MYO18B: variants seen among roughly 807,000 people sequenced by gnomAD.
MYO18B encodes the protein unconventional myosin-XVIIIb.
In MYO18B, 204 loss-of-function variants were observed where a neutral mutation model predicts 273.0. That is an observed-to-expected ratio of 0.75 (90% CI 0.67 to 0.84). The LOEUF is 0.84. Among genes scored for constraint, MYO18B ranks in the 40% least tolerant of loss-of-function variants. MYO18B has a pLI of 0.00. For missense variants in MYO18B, 3,212 were observed against 3,287.6 expected (o/e 0.98, Z 0.56); for synonymous variants, 1,330 against 1,305.7 (o/e 1.02, Z -0.40).
Position 25,851,472 on chromosome 22 carries a change from T to C in MYO18B, c.3778T>C (p.Tyr1260His). 4 of 1,553,398 alleles carry C rather than the reference T, an allele frequency of 2.6e-6. No homozygotes were observed. The highest frequency in any genetic ancestry group is 3.5e-6 in the Non-Finnish European group (4 of 1,147,616). ...LEALRLHRTG[Y>H]ADHMGLTRFR... ...CCTGCCTGCTCCTACCTCCCTAGGCTATGCTGACCACATGGGGCTCACTCG... is the reference window on the plus strand; with the variant it reads ...CCTGCCTGCTCCTACCTCCCTAGGCCATGCTGACCACATGGGGCTCACTCG... The change falls in exon 21 of 44, where the codon TAT (tyrosine) becomes CAT (histidine). Residue 1260 changes from tyrosine (Y) to histidine (H), a missense_variant and splice_region_variant. Physicochemically the swap from Tyr to His is moderately conservative, Grantham distance 83. Coordinates refer to ENST00000335473, the MANE Select transcript of MYO18B (RefSeq NM_032608.7).
At chr22:26,028,250 G>GAAAAAAAAA (rs199530121) in intron 43 of MYO18B, 60 of 130,532 alleles carry the variant, frequency 4.6e-4, no homozygotes, top group African/African-American at 1.5e-3. Flanking sequence ...CTGTCTCAGG[G>GAAAAAAAAA]AAAAAAAAAA....
the MYO18B span, among the ~76,000 whole-genome samples, chr22:26,059,175 A>C: frequency 1.3e-5 from 2 of 152,226 alleles, no homozygotes; most frequent in East Asian, 3.9e-4. Context: ...GGTGAATGCC[A>C]CGTGGTCAGC....
Position 25,868,316 on chromosome 22 carries a change from C to T in MYO18B, c.3886-4C>T, listed in dbSNP as rs970281458. The T allele has an allele frequency of 8.1e-6, 13 of 1,598,258 alleles. No homozygotes were observed. The highest frequency in any genetic ancestry group is 5.2e-5 in the Admixed American group (3 of 57,790). On this transcript the variant is annotated splice_region_variant and splice_polypyrimidine_tract_variant and intron_variant, in intron 21 of 43. Coordinates refer to ENST00000335473, the MANE Select transcript of MYO18B (RefSeq NM_032608.7). ...GTCTAACTTCTCTCTAATTTTTTCC[C>T]CAGGCCGTGGAGGAGCTCCTGGAGA...
intron 12 of MYO18B, among the ~76,000 whole-genome samples, chr22:25,810,536 C>T (rs191955627): frequency 4.1e-3 from 616 of 148,476 alleles, no homozygotes; most frequent in Admixed American, 9.8e-3. Flanking sequence ...CAGTTTCAAG[C>T]GATTCTCCTA....
intron 42 of MYO18B, among the ~76,000 whole-genome samples, chr22:26,020,243 T>C (rs954268916): frequency 6.6e-6 from 1 of 152,142 alleles, no homozygotes; most frequent in Non-Finnish European, 1.5e-5. Context: ...GCCTCCTTCT[T>C]TGTTCTTCAC....
At chr22:26,043,104 C>T in the MYO18B span, among the ~76,000 whole-genome samples, 1 of 152,192 alleles carries the variant, frequency 6.6e-6, no homozygotes, top group Admixed American at 6.5e-5. Context: ...TTTGTATCGT[C>T]ATAGGTTATT....
At chr22:25,970,393 C>A (rs2093024633) in intron 39 of MYO18B, among the ~76,000 whole-genome samples, 1 of 151,910 alleles carries the variant, frequency 6.6e-6, no homozygotes, top group African/African-American at 2.4e-5. Flanking sequence ...TGCAGTATAC[C>A]CCACCTTGTG....
chr22:25,885,471 C>T (rs1005241244), intron 25 of MYO18B, among the ~76,000 whole-genome samples: 1 of 152,030 alleles, frequency 6.6e-6, no homozygotes, highest in Non-Finnish European at 1.5e-5. Flanking sequence ...GGGGACATTC[C>T]AGGTACAGGG....
At chr22:25,873,701 A>G (rs2091111441) in intron 22 of MYO18B, among the ~76,000 whole-genome samples, 1 of 152,028 alleles carries the variant, frequency 6.6e-6, no homozygotes, top group Non-Finnish European at 1.5e-5. Flanking sequence ...CAGCCTCCCA[A>G]AGTGCTGGGA....
intron 34 of MYO18B, among the ~76,000 whole-genome samples, chr22:25,936,643 C>CTAGGTAG (rs2092581947): frequency 1.3e-5 from 2 of 152,138 alleles, no homozygotes; most frequent in African/African-American, 2.4e-5. Flanking sequence ...TAAAAAAATA[C>CTAGGTAG]CGTAAATTAA....
At chr22:25,898,116 G>A in intron 28 of MYO18B, 191 bp from the exon 29 acceptor site, 1 of 580,334 alleles carries the variant, frequency 1.7e-6, no homozygotes. Context: ...TTACCTCTGA[G>A]CAAACTGAGG....
At chr22:25,765,354 A>G (rs935017506) in intron 3 of MYO18B, among the ~76,000 whole-genome samples, 1 of 152,192 alleles carries the variant, frequency 6.6e-6, no homozygotes, top group African/African-American at 2.4e-5. Context: ...TCCCAGCACA[A>G]CTGTTTCATT....
intron 34 of MYO18B, among the ~76,000 whole-genome samples, chr22:25,932,659 C>T (rs1318977702): frequency 6.6e-6 from 1 of 152,164 alleles, no homozygotes; most frequent in African/African-American, 2.4e-5. Context: ...ATCTGTCCAC[C>T]TCGGCCTCCC....
intron 9 of MYO18B, among the ~76,000 whole-genome samples, chr22:25,781,184 C>A (rs1601674517): frequency 6.6e-6 from 1 of 152,274 alleles, no homozygotes; most frequent in East Asian, 1.9e-4. Flanking sequence ...ACCTTTGATA[C>A]CTTAATTGAA....
At chr22:25,745,569 C>T (rs911099138) in intron 1 of MYO18B, among the ~76,000 whole-genome samples, 1 of 152,140 alleles carries the variant, frequency 6.6e-6, no homozygotes, top group Non-Finnish European at 1.5e-5. Context: ...TCTCTCCTCT[C>T]CCACAGCCTG....
chr22:25,807,729 C>T (rs117395853), intron 12 of MYO18B, among the ~76,000 whole-genome samples: 3,223 of 152,216 alleles, frequency 0.021, 73 homozygotes, highest in East Asian at 0.1. Context: ...AATCGTGTCA[C>T]AATTTCAAGG....
Position 25,769,430 on chromosome 22 carries a change from T to A in MYO18B, c.1512+2T>A. On this transcript the variant is annotated splice_donor_variant, in intron 4 of 43. Transcript: ENST00000335473. LOFTEE classifies it high-confidence loss of function. ...GGCCAGAGCAGAGACTCAGACCAGG[T>A]GAGGGGGCTGCGGCCCTGGGAGCGG... 6.6e-7 allele frequency: 1 copy of A among 1,521,190 alleles called. No individual in the cohort carries two copies. The highest frequency in any genetic ancestry group is 8.8e-7 in the Non-Finnish European group (1 of 1,134,680). The allele number at this position is 1,521,190 out of a possible 1,614,324, so 94.2% of individuals were successfully genotyped here.
In MYO18B at chr22:26,030,739, T is replaced by C; in HGVS notation, c.*309T>C. On this transcript the variant is annotated 3_prime_UTR_variant, in exon 44 of 44. Transcript: ENST00000335473. The stretch of plus-strand genomic sequence containing the variant: ...CTGTTAGAATAGAACCAACCCAAAC[T>C]GTGTGTAGTTTGGGGTGTATACTTC... 2.5e-6 allele frequency: 1 copy of C among 392,696 alleles called. No homozygotes were observed. The highest frequency in any genetic ancestry group is 1.4e-4 in the South Asian group (1 of 6,974). The allele number at this position is 392,696 out of a possible 1,614,324, so 24.3% of individuals were successfully genotyped here. A position where few individuals can be genotyped will look rare whatever the true frequency, so the allele number is the denominator to read the frequency against.
chr22:26,061,807 T>G, the MYO18B span, among the ~76,000 whole-genome samples: 1 of 152,052 alleles, frequency 6.6e-6, no homozygotes, highest in Non-Finnish European at 1.5e-5. Context: ...TACCACAGAT[T>G]GTTTGGCTTT....
Sources: gnomAD v4.1 joint callset for allele counts (sites outside exome capture counted in the v4.1 genomes callset) on GRCh38, gnomAD v4.1.1 for gene constraint, MANE v1.5 for transcripts, NCBI Gene and HGNC (gene_info 2026-07-23, HGNC 2026-07-21) for gene names.